NRG4: variants seen among roughly 807,000 people sequenced by gnomAD.
NRG4 encodes the protein pro-neuregulin-4, membrane-bound isoform.
Under a neutral mutation model 15.0 loss-of-function variants are expected in NRG4, and 10 were observed. The ratio of observed to expected loss-of-function variants is 0.67; its 90% CI spans 0.41 to 1.13. The LOEUF is 1.13. NRG4 is among the 50% of genes most tolerant of loss of function. NRG4 has a pLI of 0.00. For synonymous variants in NRG4, 41 were observed against 50.1 expected (o/e 0.82, Z 0.77); for missense variants, 139 against 140.2 (o/e 0.99, Z 0.04).
At chr15:76,011,090 T>G in intron 2 of NRG4, 131 bp downstream of exon 2, 2 of 784,862 alleles carry the variant, frequency 2.5e-6, no homozygotes, top group Non-Finnish European at 3.6e-6. Flanking sequence ...GAAATATTAA[T>G]TTCATATTCA....
intron 5 of NRG4, among the ~76,000 whole-genome samples, chr15:76,022,611 G>A (rs2035192047): frequency 6.6e-6 from 1 of 152,130 alleles, no homozygotes; most frequent in African/African-American, 2.4e-5. Context: ...AATTGCAGGT[G>A]GATCACAAGC....
intron 3 of NRG4, among the ~76,000 whole-genome samples, chr15:76,006,916 A>G (rs541787710): frequency 1.3e-5 from 2 of 152,328 alleles, no homozygotes; most frequent in African/African-American, 4.8e-5. Flanking sequence ...ACAGATAGCT[A>G]GTATACAGAT....
chr15:76,051,210 T>C (rs1017350771), intron 4 of NRG4, among the ~76,000 whole-genome samples: 1 of 149,176 alleles, frequency 6.7e-6, no homozygotes, highest in Admixed American at 6.6e-5. Flanking sequence ...TTTCACCGTT[T>C]TAGCCGGGAT....
intron 3 of NRG4, among the ~76,000 whole-genome samples, chr15:76,007,400 G>A (rs2034642973): frequency 6.8e-6 from 1 of 147,532 alleles, no homozygotes; most frequent in Admixed American, 6.7e-5. Flanking sequence ...GACACAAAAT[G>A]TTAGTATATT....
intron 2 of NRG4, among the ~76,000 whole-genome samples, chr15:76,054,169 C>T (rs990140891): frequency 6.6e-6 from 1 of 150,474 alleles, no homozygotes; most frequent in Admixed American, 6.6e-5. Flanking sequence ...CTTACTGCAA[C>T]CTCTGCCTCC....
At chr15:75,955,206 G>T (rs2032164452) in intron 5 of NRG4, among the ~76,000 whole-genome samples, 2 of 151,848 alleles carry the variant, frequency 1.3e-5, no homozygotes, top group South Asian at 2.1e-4. Flanking sequence ...TTTTTTCCAG[G>T]ACTCTCCTCA....
downstream of NRG4, chr15:75,940,293 A>C (rs1387619651): frequency 1.3e-5 from 2 of 152,122 alleles, no homozygotes; most frequent in Non-Finnish European, 2.9e-5. Flanking sequence ...CCAAGGTGGT[A>C]AATGGCTTGT....
Position 76,034,147 on chromosome 15 carries a change from G to A in NRG4, c.-57+1797C>T, listed in dbSNP as rs75131839. On this transcript the variant is annotated intron_variant, in intron 5 of 8. Transcript: ENST00000563910. ...TGATTTTCTATCTGCTATATCAAGTGCAAATACGGCAATTCCTATCTGACC... is the reference window on the plus strand; with the variant it reads ...TGATTTTCTATCTGCTATATCAAGTACAAATACGGCAATTCCTATCTGACC... Among the ~76,000 whole-genome samples, 36 of 152,286 alleles carry A rather than the reference G, an allele frequency of 2.4e-4. No homozygotes were observed. The East Asian group carries it at 6.9e-3, about 29-fold the overall frequency.
intron 5 of NRG4, chr15:75,950,847 GTTC>G (rs1308090456): frequency 6.5e-6 from 1 of 154,932 alleles, no homozygotes; most frequent in Non-Finnish European, 1.4e-5. Context: ...ATTTGAAAGA[GTTC>G]TTTTTATATT....
At chr15:76,013,291 C>T (rs2034875099), upstream of NRG4, among the ~76,000 whole-genome samples, 1 of 151,766 alleles carries the variant, frequency 6.6e-6, no homozygotes, top group South Asian at 2.1e-4. Flanking sequence ...TGCACCACTG[C>T]ACTCCAGCCT....
At chr15:76,059,759 G>C (rs1410738794) in exon 1 of NRG4, 2 of 150,500 alleles carry the variant, frequency 1.3e-5, no homozygotes, top group African/African-American at 2.4e-5. Flanking sequence ...CCGACGCCGC[G>C]GTTTCCTAGA....
At chr15:76,005,931 T>A (rs1193914023) in intron 3 of NRG4, 1 of 247,058 alleles carries the variant, frequency 4.0e-6, no homozygotes, top group African/African-American at 2.2e-5. Flanking sequence ...AAAGGTAGTT[T>A]GAGGGCCAAA....
At chr15:75,969,784 T>C (rs79597155) in intron 3 of NRG4, among the ~76,000 whole-genome samples, 2,465 of 152,294 alleles carry the variant, frequency 0.016, 64 homozygotes, top group African/African-American at 0.055. Context: ...TGAAGAATCT[T>C]TTTCAGAAGT....
rs200049291 is a variant in NRG4 at position 75,956,030 on chromosome 15, G to A, written c.252-19C>T. ...GCCTTTCCTGACAATAAAGAGGAGAGAAACACAAAAATGGAAGTGTAATAG... is the reference window on the plus strand; with the variant it reads ...GCCTTTCCTGACAATAAAGAGGAGAAAAACACAAAAATGGAAGTGTAATAG... On this transcript the variant is annotated intron_variant, in intron 4 of 5. Coordinates refer to ENST00000394907, the MANE Select transcript of NRG4 (RefSeq NM_138573.4). 2.7e-6 allele frequency: 4 copies of A among 1,477,692 alleles called. No homozygotes were observed. The highest frequency in any genetic ancestry group is 3.8e-6 in the Non-Finnish European group (4 of 1,058,940). The allele number at this position is 1,477,692 out of a possible 1,614,324, so 91.5% of individuals were successfully genotyped here.
upstream of NRG4, among the ~76,000 whole-genome samples, chr15:76,013,507 C>T (rs1398121791): frequency 1.3e-5 from 2 of 152,100 alleles, no homozygotes; most frequent in Middle Eastern, 3.2e-3. Context: ...TAGCCCCCCA[C>T]CCCGACAGGC....
chr15:75,991,482 C>CT (rs1259266118), intron 3 of NRG4, among the ~76,000 whole-genome samples: 3 of 152,078 alleles, frequency 2.0e-5, no homozygotes, highest in Admixed American at 6.6e-5. Context: ...TTTATTGAGA[C>CT]TTTTTTATAG....
chr15:76,001,935 A>C (rs2034430963), intron 3 of NRG4, among the ~76,000 whole-genome samples: 1 of 152,224 alleles, frequency 6.6e-6, no homozygotes. Flanking sequence ...AAGGGGATAC[A>C]AAGCTTAGCT....
intron 3 of NRG4, among the ~76,000 whole-genome samples, chr15:76,004,796 G>A (rs979312638): frequency 5.3e-5 from 8 of 151,766 alleles, no homozygotes; most frequent in African/African-American, 1.7e-4. Context: ...AAAAATGGAC[G>A]AAAACACATG....
chr15:76,038,335 C>T (rs1334896056), intron 4 of NRG4, among the ~76,000 whole-genome samples: 3 of 152,202 alleles, frequency 2.0e-5, no homozygotes, highest in Non-Finnish European at 4.4e-5. Flanking sequence ...GGCCTTGGCT[C>T]GTGGATGGCA....
Sources: allele counts gnomAD v4.1 joint callset (sites outside exome capture counted in the v4.1 genomes callset), GRCh38; gene constraint gnomAD v4.1.1; transcripts MANE v1.5; gene names NCBI Gene and HGNC (gene_info 2026-07-23, HGNC 2026-07-21).